The following ST18 variants were observed in gnomAD, a reference collection of about 807,000 sequenced individuals.
The protein encoded by ST18 is suppression of tumorigenicity 18 protein.
In ST18, 50 loss-of-function variants were observed where a neutral mutation model predicts 110.0. That is an observed-to-expected ratio of 0.45 (90% CI 0.36 to 0.58). ST18 has a LOEUF of 0.58. ST18 is among the 20% of genes least tolerant of loss of function. The probability of loss-of-function intolerance (pLI) is 0.00; values close to 1 mark genes in which losing one functional copy is unlikely to be tolerated. For missense variants in ST18, 1,306 were observed against 1,280.1 expected (o/e 1.02, Z -0.31); for synonymous variants, 461 against 452.4 (o/e 1.02, Z -0.24).
intron 2 of ST18, among the ~76,000 whole-genome samples, chr8:52,378,373 C>G (rs972471516): frequency 6.6e-6 from 1 of 152,102 alleles, no homozygotes; most frequent in Non-Finnish European, 1.5e-5. Flanking sequence ...ATATATACAA[C>G]TATAAGGTAT....
At chr8:52,275,342 T>C (rs1251881203) in intron 2 of ST18, among the ~76,000 whole-genome samples, 1 of 152,168 alleles carries the variant, frequency 6.6e-6, no homozygotes, top group Non-Finnish European at 1.5e-5. Context: ...AAAAAGTAAA[T>C]TATAAATAAA....
rs149814559 is a variant in ST18, at chr8:52,171,958, C to A, written c.903G>T (p.Gly301=). 2 of 1,614,046 alleles carry A rather than the reference C, an allele frequency of 1.2e-6. No individual in the cohort carries two copies. Among genetic ancestry groups the A allele is most frequent in the Non-Finnish European group, 1.7e-6 (2 of 1,180,048 alleles). Residue 301 remains glycine, a synonymous_variant, in exon 10 of 26, where the codon GGG becomes GGT. Transcript: ENST00000689386. Reference sequence around the variant, plus strand: ...TTGCCTGCTCCAGCAAACTTAAATTCCCCTTGGCCTTTTCCAGGTCACTAC... The same window carrying A: ...TTGCCTGCTCCAGCAAACTTAAATTACCCTTGGCCTTTTCCAGGTCACTAC... The part of the protein sequence containing the change: ...EEGSDLEKAK[G]NLSLLEQAIA...
At chr8:52,373,913 C>G (rs1219580390) in intron 2 of ST18, among the ~76,000 whole-genome samples, 1 of 152,108 alleles carries the variant, frequency 6.6e-6, no homozygotes, top group Non-Finnish European at 1.5e-5. Flanking sequence ...AGTGGGGCCT[C>G]CAGGTCACAG....
At chr8:52,409,870 C>G (rs1295654268), upstream of ST18, 1 of 152,258 alleles carries the variant, frequency 6.6e-6, no homozygotes, top group African/African-American at 2.4e-5. Flanking sequence ...TGAGAGTGAG[C>G]GAACAAGCGG....
chr8:52,115,406 A>G (rs746647817), intron 25 of ST18, among the ~76,000 whole-genome samples: 50 of 152,376 alleles, frequency 3.3e-4, no homozygotes, highest in Admixed American at 4.6e-4. Context: ...TGCAATGCAT[A>G]ACAACATCTC....
intron 2 of ST18, among the ~76,000 whole-genome samples, chr8:52,363,482 A>C (rs1195178861): frequency 6.6e-6 from 1 of 152,126 alleles, no homozygotes; most frequent in Non-Finnish European, 1.5e-5. Flanking sequence ...AATTATACAC[A>C]CCATAGAGAG....
chr8:52,335,569 G>A (rs953740251), intron 2 of ST18, among the ~76,000 whole-genome samples: 1 of 152,140 alleles, frequency 6.6e-6, no homozygotes, highest in African/African-American at 2.4e-5. Context: ...ATAGCCTGAA[G>A]GTGATCTTAC....
chr8:52,229,249 A>T (rs983032689), intron 3 of ST18, among the ~76,000 whole-genome samples: 3 of 152,212 alleles, frequency 2.0e-5, no homozygotes, highest in African/African-American at 7.2e-5. Flanking sequence ...TACAAATTTG[A>T]TGGCTTAAAA....
chr8:52,263,131 C>T (rs918913567), intron 2 of ST18, among the ~76,000 whole-genome samples: 1 of 152,162 alleles, frequency 6.6e-6, no homozygotes, highest in Non-Finnish European at 1.5e-5. Flanking sequence ...TGCTGGTTTC[C>T]ATTTCCCACT....
intron 2 of ST18, among the ~76,000 whole-genome samples, chr8:52,371,570 GA>G (rs1830280133): frequency 6.6e-6 from 1 of 152,190 alleles, no homozygotes; most frequent in South Asian, 2.1e-4. Flanking sequence ...GATTATCTAA[GA>G]AAATATCTTT....
intron 2 of ST18, among the ~76,000 whole-genome samples, chr8:52,304,341 CAT>C (rs148831196): frequency 7.9e-5 from 12 of 152,164 alleles, no homozygotes; most frequent in South Asian, 2.1e-4. Flanking sequence ...CACACACACA[CAT>C]GTGCACCCGC....
chr8:52,296,056 T>C (rs938811890), intron 2 of ST18, among the ~76,000 whole-genome samples: 1 of 151,950 alleles, frequency 6.6e-6, no homozygotes, highest in African/African-American at 2.4e-5. Flanking sequence ...GCCTGGAAAA[T>C]GCAAGCCAAA....
rs1586703469 is a variant in ST18 at position 52,137,356 on chromosome 8, G to A, written c.2231+65C>T. On this transcript the variant is annotated intron_variant, in intron 18 of 25. Transcript: ENST00000689386. ...CAGATAATACATGGATAGAAAGGGT[G>A]AGAATAAGTATTTAAAATAGAACAA... 8 of 1,545,112 alleles carry A rather than the reference G, an allele frequency of 5.2e-6. 1 individual carries two copies. In the East Asian group the frequency reaches 6.8e-5, roughly 13 times the overall value.
chr8:52,230,689 C>T (rs1283172088), intron 2 of ST18, among the ~76,000 whole-genome samples: 1 of 152,122 alleles, frequency 6.6e-6, no homozygotes, highest in Non-Finnish European at 1.5e-5. Context: ...CTTTAATTCT[C>T]ATGTGTTTCC....
At chr8:52,149,029 C>G (rs16917321) in intron 16 of ST18, among the ~76,000 whole-genome samples, 3,122 of 152,290 alleles carry the variant, frequency 0.021, 119 homozygotes, top group Admixed American at 0.1. Flanking sequence ...GTCTAAACAA[C>G]CGAGGGTTCT....
chr8:52,352,328 GTAAGATTTCC>G (rs1382122875), intron 2 of ST18, among the ~76,000 whole-genome samples: 1 of 152,184 alleles, frequency 6.6e-6, no homozygotes, highest in Non-Finnish European at 1.5e-5. Flanking sequence ...ATTGTGTAAT[GTAAGATTTCC>G]TCAATATCCA....
At chr8:52,365,757 G>C (rs1329761842) in intron 2 of ST18, among the ~76,000 whole-genome samples, 1 of 152,024 alleles carries the variant, frequency 6.6e-6, no homozygotes, top group African/African-American at 2.4e-5. Context: ...AATGAGTGTT[G>C]TTGCAACCAC....
chr8:52,144,208 G>T (rs1027627795), intron 16 of ST18, among the ~76,000 whole-genome samples: 1 of 151,780 alleles, frequency 6.6e-6, no homozygotes, highest in African/African-American at 2.4e-5. Context: ...CTTGTATCTG[G>T]TAAATATAAT....
At chr8:52,335,342 G>GA (rs112464682) in intron 2 of ST18, among the ~76,000 whole-genome samples, 8,866 of 152,158 alleles carry the variant, frequency 0.058, 553 homozygotes, top group African/African-American at 0.15. Flanking sequence ...GCCTGCCTCA[G>GA]GGATCCACCA....
Sources: gnomAD v4.1 joint callset for allele counts (sites outside exome capture counted in the v4.1 genomes callset) on GRCh38, gnomAD v4.1.1 for gene constraint, MANE v1.5 for transcripts, NCBI Gene and HGNC (gene_info 2026-07-23, HGNC 2026-07-21) for gene names.